The following OSBPL2 variants were observed in gnomAD, a reference collection of about 807,000 sequenced individuals.
OSBPL2 encodes the protein oxysterol-binding protein-related protein 2.
Under a neutral mutation model 58.4 loss-of-function variants are expected in OSBPL2, and 18 were observed. The ratio of observed to expected loss-of-function variants is 0.31; its 90% CI spans 0.21 to 0.46. The LOEUF (loss-of-function observed/expected upper bound fraction) is 0.46, where lower values mean the gene tolerates loss of function less well. Ranked by LOEUF, OSBPL2 falls within the 20% of genes least tolerant of loss-of-function variation. The pLI is 1.00. For synonymous variants in OSBPL2, 221 were observed against 234.1 expected (o/e 0.94, Z 0.51); for missense variants, 461 against 616.5 (o/e 0.75, Z 2.67).
chr20:62,291,642 G>A (rs1044971062), intron 12 of OSBPL2, 61 bp from the exon 13 acceptor site: 4 of 1,350,538 alleles, frequency 3.0e-6, no homozygotes, highest in South Asian at 1.2e-5. Context: ...AGGTGCATAG[G>A]GGGTGGCGGG....
intron 6 of OSBPL2, among the ~76,000 whole-genome samples, chr20:62,274,585 C>A (rs1982266177): frequency 6.6e-6 from 1 of 152,248 alleles, no homozygotes; most frequent in African/African-American, 2.4e-5. Context: ...ACCCTTCAGT[C>A]TTCCGACTGT....
intron 2 of OSBPL2, among the ~76,000 whole-genome samples, chr20:62,258,624 T>C (rs1052886311): frequency 6.6e-6 from 1 of 152,230 alleles, no homozygotes; most frequent in Non-Finnish European, 1.5e-5. Context: ...TATTAGGCCA[T>C]CCGAGTAGCG....
At chr20:62,263,576 T>C in intron 3 of OSBPL2, 40 bp from the exon 4 acceptor site, 1 of 1,513,596 alleles carries the variant, frequency 6.6e-7, no homozygotes, top group South Asian at 1.1e-5. Flanking sequence ...CAGAGTCCTG[T>C]GTTGAATTCA....
intron 1 of OSBPL2, 48 bp from the exon 2 acceptor site, chr20:62,256,009 C>A: frequency 1.7e-6 from 1 of 577,648 alleles, no homozygotes; most frequent in Non-Finnish European, 3.0e-6. Context: ...TGTTTTTAAA[C>A]CGTGAAACTT....
At chr20:62,262,140 C>T (rs779012874) in intron 3 of OSBPL2, among the ~76,000 whole-genome samples, 14 of 150,430 alleles carry the variant, frequency 9.3e-5, no homozygotes, top group African/African-American at 1.5e-4. Flanking sequence ...ACCACATGGC[C>T]GGCCTCACAC....
chr20:62,261,032 C>T (rs1393873156), intron 3 of OSBPL2, among the ~76,000 whole-genome samples: 1 of 151,798 alleles, frequency 6.6e-6, no homozygotes, highest in East Asian at 1.9e-4. Flanking sequence ...TTGATAGAAG[C>T]ACGAGCCAGG....
At chr20:62,245,032 T>C (rs1225354296) in intron 1 of OSBPL2, among the ~76,000 whole-genome samples, 2 of 152,154 alleles carry the variant, frequency 1.3e-5, no homozygotes, top group Non-Finnish European at 2.9e-5. Context: ...CACAGGGCCT[T>C]CCCGAGTCAG....
intron 13 of OSBPL2, among the ~76,000 whole-genome samples, chr20:62,292,617 T>C (rs1205639005): frequency 6.6e-6 from 1 of 152,230 alleles, no homozygotes; most frequent in East Asian, 1.9e-4. Context: ...AAAATGTATT[T>C]ATAAGTAAAA....
chr20:62,246,958 C>T lies in OSBPL2; in HGVS notation c.-129+8361C>T, dbSNP rs78199686. Among the ~76,000 whole-genome samples, 478 of 152,306 alleles carry T rather than the reference C, an allele frequency of 3.1e-3. 2 individuals carry two copies. The highest frequency in any genetic ancestry group is 0.011 in the African/African-American group (439 of 41,556). ...TCCCTTCCTGGTGCTCTGGCAACCT[C>T]GCAGTGTCATGGTGGCATCTTTCCA... is the stretch of plus-strand genomic sequence containing the variant. On this transcript the variant is annotated intron_variant, in intron 1 of 13. Transcript: ENST00000313733.
At position 62,272,241 on chromosome 20, in the gene OSBPL2, G is replaced by A; in HGVS notation, c.375G>A (p.Gln125=). ...YLIHRASCQP[Q]PLERMQSVAA... ...TCCACAGGGCCTCCTGCCAGCCCCA[G>A]CCCCTGGAGAGGATGCAGGTGGGCC... The change falls in exon 5 of 14, where the codon CAG becomes CAA. Residue 125 remains glutamine (Q), a synonymous_variant. Transcript: ENST00000313733. 1 of 1,613,488 alleles carries A rather than the reference G, an allele frequency of 6.2e-7. No individual in the cohort carries two copies. Among genetic ancestry groups the A allele is most frequent in the Non-Finnish European group, 8.5e-7 (1 of 1,179,876 alleles).
chr20:62,264,082 GAAAA>G (rs1271707870), intron 4 of OSBPL2, among the ~76,000 whole-genome samples: 2 of 135,054 alleles, frequency 1.5e-5, no homozygotes, highest in African/African-American at 5.5e-5. Flanking sequence ...AAAAAAAAAA[GAAAA>G]AAAATGCACT....
At chr20:62,247,673 T>C (rs112066985) in intron 1 of OSBPL2, among the ~76,000 whole-genome samples, 2,898 of 150,664 alleles carry the variant, frequency 0.019, 88 homozygotes, top group African/African-American at 0.066. Context: ...TTCTTTCTTT[T>C]TTTTTTTTTT....
At chr20:62,260,660 G>GGT (rs1302733984) in intron 3 of OSBPL2, among the ~76,000 whole-genome samples, 2 of 152,250 alleles carry the variant, frequency 1.3e-5, no homozygotes, top group African/African-American at 4.8e-5. Context: ...TTTTCATGTA[G>GGT]GTAGAGTCCA....
Position 62,273,368 on chromosome 20 carries a change from A to G in OSBPL2, c.453A>G (p.Pro151=). 2 of 1,604,938 alleles carry G rather than the reference A, an allele frequency of 1.2e-6. No individual in the cohort carries two copies. Among genetic ancestry groups the G allele is most frequent in the Non-Finnish European group, 1.7e-6 (2 of 1,177,464 alleles). The change falls in exon 6 of 14, where the codon CCA becomes CCG. Residue 151 remains proline (P), a synonymous_variant. Transcript: ENST00000313733. ...CCCAGTGGGAGAGGACCGGCAAACC[A>G]TTTAATCCACTCTTGGGAGAAACGT... The part of the protein sequence containing the change: ...VASQWERTGK[P]FNPLLGETYE...
intron 1 of OSBPL2, among the ~76,000 whole-genome samples, chr20:62,241,730 C>CT (rs1297456495): frequency 6.6e-6 from 1 of 152,246 alleles, no homozygotes; most frequent in Non-Finnish European, 1.5e-5. Context: ...CATCAAGTGT[C>CT]TGATACGTTG....
At chr20:62,260,655 A>G (rs1305563768) in intron 3 of OSBPL2, among the ~76,000 whole-genome samples, 1 of 151,868 alleles carries the variant, frequency 6.6e-6, no homozygotes, top group Non-Finnish European at 1.5e-5. Flanking sequence ...GTTCGTTTTC[A>G]TGTAGGTAGA....
intron 13 of OSBPL2, among the ~76,000 whole-genome samples, chr20:62,293,315 G>A (rs759940160): frequency 1.3e-5 from 2 of 152,176 alleles, no homozygotes; most frequent in Non-Finnish European, 2.9e-5. Context: ...CCAGCCGGGG[G>A]CTGTGGACGG....
chr20:62,252,412 C>T (rs188624131), intron 1 of OSBPL2, among the ~76,000 whole-genome samples: 3 of 152,276 alleles, frequency 2.0e-5, no homozygotes, highest in East Asian at 1.9e-4. Flanking sequence ...TGCACCCCCA[C>T]GTTCGCAGGT....
rs184934173 is a variant in OSBPL2, at chr20:62,281,983, G to A, written c.872+104G>A. The A allele has an allele frequency of 4.8e-4, 324 of 678,766 alleles. 1 individual carries two copies. Among genetic ancestry groups the A allele is most frequent in the African/African-American group, 4.3e-3 (243 of 57,018 alleles). 42.0% of individuals were successfully genotyped at this position (678,766 alleles called of 1,614,324 possible). Reference sequence around the variant, plus strand: ...CTGCGTGTGCCTACGTGCATGAGACGCGGGTACACCAGTGCCATCTGTTCA... The same window carrying A: ...CTGCGTGTGCCTACGTGCATGAGACACGGGTACACCAGTGCCATCTGTTCA... On this transcript the variant is annotated intron_variant, in intron 9 of 13. Coordinates refer to ENST00000313733, the MANE Select transcript of OSBPL2 (RefSeq NM_144498.4).
Sources: gnomAD v4.1 joint callset for allele counts (sites outside exome capture counted in the v4.1 genomes callset) on GRCh38, gnomAD v4.1.1 for gene constraint, MANE v1.5 for transcripts, NCBI Gene and HGNC (gene_info 2026-07-23, HGNC 2026-07-21) for gene names.